BNC2: variants seen among roughly 807,000 people sequenced by gnomAD.
BNC2 encodes the protein basonuclin zinc finger protein 2, also known as zinc finger protein basonuclin-2.
A neutral mutation model predicts 76.3 loss-of-function variants in BNC2; 20 were observed. The ratio of observed to expected loss-of-function variants is 0.26; its 90% confidence interval spans 0.18 to 0.38. BNC2 has a LOEUF of 0.38. Among genes scored for constraint, BNC2 ranks in the 10% least tolerant of loss-of-function variants. The pLI is 1.00. For missense variants in BNC2, 1,382 were observed against 1,399.8 expected (o/e 0.99, Z 0.20); for synonymous variants, 582 against 514.8 (o/e 1.13, Z -1.77).
chr9:16,431,939 C>T (rs2130799405), intron 6 of BNC2, among the ~76,000 whole-genome samples: 1 of 152,324 alleles, frequency 6.6e-6, no homozygotes, highest in Admixed American at 6.5e-5. Context: ...CACCACTCAC[C>T]TCCTGCTGTG....
chr9:16,826,016 T>C (rs1479874668), intron 1 of BNC2, among the ~76,000 whole-genome samples: 1 of 152,156 alleles, frequency 6.6e-6, no homozygotes, highest in Non-Finnish European at 1.5e-5. Context: ...TTTACTGTGT[T>C]AGCAATGTTA....
chr9:16,600,624 C>G (rs914504340), intron 3 of BNC2, among the ~76,000 whole-genome samples: 2 of 152,068 alleles, frequency 1.3e-5, no homozygotes, highest in Non-Finnish European at 2.9e-5. Flanking sequence ...TAATGTTTAC[C>G]TATATTTAAT....
chr9:16,698,211 G>C (rs1823396215), intron 3 of BNC2, among the ~76,000 whole-genome samples: 1 of 152,034 alleles, frequency 6.6e-6, no homozygotes, highest in Non-Finnish European at 1.5e-5. Flanking sequence ...TCTCTCTTAA[G>C]CTGTGCAAAA....
chr9:16,478,236 T>C (rs1462328295), intron 5 of BNC2, among the ~76,000 whole-genome samples: 1 of 152,144 alleles, frequency 6.6e-6, no homozygotes. Context: ...GAGGACTCCA[T>C]TCTGGCAGGC....
intron 5 of BNC2, among the ~76,000 whole-genome samples, chr9:16,457,669 T>A (rs1821484220): frequency 6.6e-6 from 1 of 152,078 alleles, no homozygotes; most frequent in African/African-American, 2.4e-5. Context: ...GGACCAAAAT[T>A]CCAGATTCCC....
intron 1 of BNC2, among the ~76,000 whole-genome samples, chr9:16,819,469 C>T (rs926659160): frequency 6.6e-6 from 1 of 152,134 alleles, no homozygotes. Flanking sequence ...TCGAGACCAG[C>T]CTGGCCAACA....
chr9:16,648,066 CAATAA>C (rs1821685778), intron 3 of BNC2, among the ~76,000 whole-genome samples: 1 of 152,026 alleles, frequency 6.6e-6, no homozygotes, highest in Non-Finnish European at 1.5e-5. Flanking sequence ...CCAATGTACG[CAATAA>C]AATATGTGTG....
At chr9:16,685,975 A>G (rs1306511180) in intron 3 of BNC2, among the ~76,000 whole-genome samples, 3 of 152,116 alleles carry the variant, frequency 2.0e-5, no homozygotes, top group South Asian at 2.1e-4. Context: ...ACTAAAATAG[A>G]TAATTTCTGT....
intron 1 of BNC2, among the ~76,000 whole-genome samples, chr9:16,754,774 T>G (rs747673788): frequency 1.2e-4 from 19 of 152,144 alleles, no homozygotes; most frequent in African/African-American, 4.6e-4. Flanking sequence ...GCCAGGCTGC[T>G]CTCGAACTCC....
intron 5 of BNC2, among the ~76,000 whole-genome samples, chr9:16,519,095 C>G (rs1213331686): frequency 6.6e-6 from 1 of 152,170 alleles, no homozygotes; most frequent in African/African-American, 2.4e-5. Context: ...TTCTTTTAAA[C>G]AGGGATGAAT....
chr9:16,471,246 A>G (rs1821817455), intron 5 of BNC2, among the ~76,000 whole-genome samples: 1 of 151,324 alleles, frequency 6.6e-6, no homozygotes, highest in South Asian at 2.1e-4. Flanking sequence ...TATTTACCCA[A>G]TACCTATACC....
chr9:16,498,304 TATATGA>T (rs1219635080), intron 5 of BNC2, among the ~76,000 whole-genome samples: 2 of 147,638 alleles, frequency 1.4e-5, no homozygotes, highest in African/African-American at 2.5e-5. Context: ...ATCATATATA[TATATGA>T]ATATATGATG....
intron 1 of BNC2, among the ~76,000 whole-genome samples, chr9:16,758,272 A>T (rs1309441259): frequency 1.3e-5 from 2 of 152,178 alleles, no homozygotes; most frequent in Non-Finnish European, 2.9e-5. Flanking sequence ...GACTGGGTCC[A>T]CCTAGAAAAT....
At chr9:16,717,424 A>G (rs1824024331) in intron 3 of BNC2, among the ~76,000 whole-genome samples, 1 of 152,204 alleles carries the variant, frequency 6.6e-6, no homozygotes, top group African/African-American at 2.4e-5. Flanking sequence ...CATTCTAAGG[A>G]AAGTATATAC....
At chr9:16,428,628 G>A (rs965876948) in intron 6 of BNC2, among the ~76,000 whole-genome samples, 4 of 152,170 alleles carry the variant, frequency 2.6e-5, no homozygotes, top group Non-Finnish European at 2.9e-5. Context: ...TAGCAATACC[G>A]AGGCATCGCT....
chr9:16,695,947 C>T (rs978800523), intron 3 of BNC2, among the ~76,000 whole-genome samples: 1 of 152,096 alleles, frequency 6.6e-6, no homozygotes, highest in Non-Finnish European at 1.5e-5. Context: ...ACCATAAGCC[C>T]ATTAACAAAG....
intron 1 of BNC2, among the ~76,000 whole-genome samples, chr9:16,864,034 A>G (rs1053446356): frequency 6.6e-6 from 1 of 152,208 alleles, no homozygotes; most frequent in African/African-American, 2.4e-5. Context: ...TTCATCTCTA[A>G]GATTTTAAAA....
chr9:16,732,584 C>T (rs1369804182), intron 2 of BNC2, among the ~76,000 whole-genome samples: 1 of 152,152 alleles, frequency 6.6e-6, no homozygotes, highest in African/African-American at 2.4e-5. Flanking sequence ...CAGAACAATA[C>T]CTGTAATTCC....
At chr9:16,787,611 CG>C (rs1826331584) in intron 1 of BNC2, among the ~76,000 whole-genome samples, 2 of 152,176 alleles carry the variant, frequency 1.3e-5, no homozygotes, top group African/African-American at 4.8e-5. Flanking sequence ...ATTCTATATC[CG>C]GTACCTTTTG....
Sources: gnomAD v4.1 joint callset for allele counts (sites outside exome capture counted in the v4.1 genomes callset) on GRCh38, gnomAD v4.1.1 for gene constraint, MANE v1.5 for transcripts, NCBI Gene and HGNC (gene_info 2026-07-23, HGNC 2026-07-21) for gene names.